Variants in RNGTT observed in about 807,000 individuals in gnomAD.
The protein encoded by RNGTT is mRNA-capping enzyme.
A neutral mutation model predicts 79.3 loss-of-function variants in RNGTT; 33 were observed. The observed-to-expected ratio is 0.42, with a 90% CI of 0.32 to 0.56. The LOEUF (loss-of-function observed/expected upper bound fraction) is 0.56, where lower values mean the gene tolerates loss of function less well. RNGTT is among the 20% of genes least tolerant of loss of function. RNGTT has a pLI of 0.17. For missense variants in RNGTT, 497 were observed against 739.1 expected (o/e 0.67, Z 3.80); for synonymous variants, 222 against 235.9 (o/e 0.94, Z 0.54).
chr6:88,797,224 CA>C (rs1181010706), intron 12 of RNGTT, among the ~76,000 whole-genome samples: 1 of 151,868 alleles, frequency 6.6e-6, no homozygotes, highest in Non-Finnish European at 1.5e-5. Context: ...CACAGAACTA[CA>C]CAAACACAAT....
chr6:88,655,026 A>G (rs1773925090), intron 14 of RNGTT, among the ~76,000 whole-genome samples: 1 of 152,230 alleles, frequency 6.6e-6, no homozygotes, highest in Non-Finnish European at 1.5e-5. Flanking sequence ...ACATTCAGTT[A>G]TTCTTCAGAT....
intron 14 of RNGTT, among the ~76,000 whole-genome samples, chr6:88,644,920 G>A (rs1004468003): frequency 2.0e-5 from 3 of 152,250 alleles, no homozygotes; most frequent in African/African-American, 4.8e-5. Context: ...AAAACTGGAA[G>A]CATTCCCTTT....
chr6:88,858,816 A>G (rs1781918417), intron 8 of RNGTT, among the ~76,000 whole-genome samples: 2 of 152,150 alleles, frequency 1.3e-5, no homozygotes, highest in African/African-American at 4.8e-5. Flanking sequence ...AAGAAGAGAA[A>G]TGAGGGATGG....
At chr6:88,813,976 A>T (rs1780227295) in intron 11 of RNGTT, among the ~76,000 whole-genome samples, 2 of 152,186 alleles carry the variant, frequency 1.3e-5, no homozygotes, top group African/African-American at 2.4e-5. Context: ...AAATAAATAT[A>T]AAATGAATAA....
intron 4 of RNGTT, among the ~76,000 whole-genome samples, chr6:88,927,517 C>A (rs1236369868): frequency 6.6e-6 from 1 of 152,050 alleles, no homozygotes; most frequent in African/African-American, 2.4e-5. Flanking sequence ...ACATAATTAG[C>A]CGGGCATGGT....
chr6:88,915,222 A>G (rs1582125810), intron 4 of RNGTT, among the ~76,000 whole-genome samples: 1 of 152,230 alleles, frequency 6.6e-6, no homozygotes, highest in East Asian at 1.9e-4. Context: ...TTTCACAAAG[A>G]ACTAAAAATA....
At chr6:88,694,308 C>T (rs552890455) in intron 13 of RNGTT, among the ~76,000 whole-genome samples, 5 of 152,084 alleles carry the variant, frequency 3.3e-5, no homozygotes, top group Middle Eastern at 3.4e-3. Flanking sequence ...ATTTCTATAT[C>T]CTAACAACAA....
At chr6:88,656,111 C>T (rs1773967955) in intron 14 of RNGTT, among the ~76,000 whole-genome samples, 1 of 152,090 alleles carries the variant, frequency 6.6e-6, no homozygotes, top group Non-Finnish European at 1.5e-5. Flanking sequence ...AATACCCAGT[C>T]CCCAATCCTC....
intron 11 of RNGTT, among the ~76,000 whole-genome samples, chr6:88,831,831 C>T (rs1780878574): frequency 6.6e-6 from 1 of 152,188 alleles, no homozygotes; most frequent in South Asian, 2.1e-4. Flanking sequence ...AGTGAATTCC[C>T]ATTCACAATT....
chr6:88,754,580 C>A (rs1777945085), intron 13 of RNGTT, among the ~76,000 whole-genome samples: 1 of 152,154 alleles, frequency 6.6e-6, no homozygotes, highest in South Asian at 2.1e-4. Flanking sequence ...GAACAGGCAC[C>A]CAAATCTGGC....
intron 13 of RNGTT, among the ~76,000 whole-genome samples, chr6:88,745,530 A>G (rs1305824754): frequency 6.6e-6 from 1 of 152,206 alleles, no homozygotes; most frequent in Non-Finnish European, 1.5e-5. Context: ...AGATATATTG[A>G]GTTAAATAAA....
intron 9 of RNGTT, among the ~76,000 whole-genome samples, chr6:88,850,203 A>C (rs1781625566): frequency 6.6e-6 from 1 of 151,982 alleles, no homozygotes; most frequent in Non-Finnish European, 1.5e-5. Flanking sequence ...AATGCTTTAA[A>C]TTTTGTTATA....
chr6:88,911,429 A>C (rs1250002043), intron 4 of RNGTT, among the ~76,000 whole-genome samples: 1 of 152,248 alleles, frequency 6.6e-6, no homozygotes. Flanking sequence ...AAGAAGACTT[A>C]ACTATCCTAA....
chr6:88,668,775 G>C (rs551008129), intron 14 of RNGTT, among the ~76,000 whole-genome samples: 1 of 152,168 alleles, frequency 6.6e-6, no homozygotes, highest in Admixed American at 6.5e-5. Flanking sequence ...GAAGAAAAAG[G>C]AGCTCCCAAA....
intron 13 of RNGTT, among the ~76,000 whole-genome samples, chr6:88,706,906 G>A (rs1264221654): frequency 2.6e-5 from 4 of 151,536 alleles, no homozygotes; most frequent in African/African-American, 9.8e-5. Context: ...TATATATTTA[G>A]GTCTGCCAAT....
intron 14 of RNGTT, among the ~76,000 whole-genome samples, chr6:88,633,393 C>T (rs1158393095): frequency 6.6e-6 from 1 of 152,202 alleles, no homozygotes; most frequent in Non-Finnish European, 1.5e-5. Flanking sequence ...ACTCTTCCCC[C>T]TGAATGGCAT....
At chr6:88,910,358 G>A (rs564879629) in intron 4 of RNGTT, among the ~76,000 whole-genome samples, 2 of 152,286 alleles carry the variant, frequency 1.3e-5, no homozygotes, top group Admixed American at 6.5e-5. Flanking sequence ...CCTTATAAGA[G>A]ATGCTTAACA....
intron 13 of RNGTT, among the ~76,000 whole-genome samples, chr6:88,728,448 T>C (rs1016840427): frequency 6.6e-6 from 1 of 152,220 alleles, no homozygotes; most frequent in East Asian, 1.9e-4. Flanking sequence ...ATGCTGTAGC[T>C]GGTCCAAAGT....
intron 13 of RNGTT, among the ~76,000 whole-genome samples, chr6:88,719,225 G>A (rs578236820): frequency 2.0e-5 from 3 of 152,190 alleles, no homozygotes; most frequent in South Asian, 2.1e-4. Flanking sequence ...ACTTAATGAA[G>A]GAATGCCACA....
Sources: allele counts gnomAD v4.1 joint callset (sites outside exome capture counted in the v4.1 genomes callset), GRCh38; gene constraint gnomAD v4.1.1; transcripts MANE v1.5; gene names NCBI Gene and HGNC (gene_info 2026-07-23, HGNC 2026-07-21).